The following SEMA4C variants were observed in gnomAD, a reference collection of about 807,000 sequenced individuals.
SEMA4C encodes the protein semaphorin-4C.
SEMA4C carries 19 observed loss-of-function variants against 89.0 expected under a neutral mutation model. The observed-to-expected ratio is 0.21, with a 90% confidence interval of 0.15 to 0.31. The LOEUF is 0.31. Ranked by LOEUF, SEMA4C falls within the 10% of genes least tolerant of loss-of-function variation. The pLI, the probability that SEMA4C is intolerant of heterozygous loss-of-function variation, is 1.00. For synonymous variants in SEMA4C, 428 were observed against 472.7 expected, an observed-to-expected ratio of 0.91 and a Z score of 1.23; for missense variants, 811 against 1,107.0, an observed-to-expected ratio of 0.73 and a Z score of 3.79.
Position 96,864,261 on chromosome 2 carries a change from C to A in SEMA4C, c.1084G>T (p.Val362Leu). ...ACCGAGCCAGGCCGAGGGCTGGGTA[C>A]AGGGTCAGTGTAGCGGTCCCACTTC... ...AQKWDRYTDP[V>L]PSPRPGSCIN... Residue 362 changes from valine to leucine, a missense_variant, in exon 10 of 15, where the codon GTA becomes TTA. This residue lies in a region of SEMA4C where 441 missense variants were observed against 664.9 expected (regional missense o/e 0.66). Transcript: ENST00000305476. This position sits in a 1 kb window ranked among gnomAD's most constrained non-coding sequence, Gnocchi z 6.3. The A allele has an allele frequency of 6.2e-7, 1 of 1,614,038 alleles. No individual in the cohort carries two copies. Among genetic ancestry groups the A allele is most frequent in the Non-Finnish European group, 8.5e-7 (1 of 1,180,020 alleles).
chr2:96,868,570 C>T, intron 1 of SEMA4C: 2 of 985,820 alleles, frequency 2.0e-6, no homozygotes, highest in Non-Finnish European at 2.4e-6. Context: ...TCCCGAGGCC[C>T]CTTTGTTGCC....
chr2:96,870,059 G>T lies in SEMA4C; in HGVS notation c.-221C>A. 1.0e-6 allele frequency: 1 copy of T among 977,454 alleles called. No homozygotes were observed. The highest frequency in any genetic ancestry group is 1.2e-6 in the Non-Finnish European group (1 of 822,640). The allele number at this position is 977,454 out of a possible 1,614,324, so 60.5% of individuals were successfully genotyped here. ...AGGCTCGGGCTCCCCGCGCCACCAC[G>T]GCGGGCGCCGGCTCTTTCTCCAGCG... On this transcript the variant is annotated 5_prime_UTR_variant, in exon 1 of 15. Transcript: ENST00000305476.
Position 96,869,864 on chromosome 2 carries a change from G to A in SEMA4C, c.-38+12C>T, listed in dbSNP as rs997267930. ...CGCGGCTCCAGCCTCACGCAAGCCC[G>A]GCCTCGCTCACCTATTGCGCGCAGC... On this transcript the variant is annotated intron_variant, in intron 1 of 14. Coordinates refer to ENST00000305476, the MANE Select transcript of SEMA4C (RefSeq NM_017789.5). 4 of 985,600 alleles carry A rather than the reference G, an allele frequency of 4.1e-6. No homozygotes were observed. The highest frequency in any genetic ancestry group is 4.8e-6 in the Non-Finnish European group (4 of 830,170). The allele number at this position is 985,600 out of a possible 1,614,324, so 61.1% of individuals were successfully genotyped here. A position where few individuals can be genotyped will look rare whatever the true frequency, so the allele number is the denominator to read the frequency against.
intron 5 of SEMA4C, 56 bp from the exon 6 acceptor site, chr2:96,865,593 C>T (rs1448932871): frequency 3.3e-5 from 50 of 1,534,026 alleles, no homozygotes; most frequent in Non-Finnish European, 4.2e-5. Flanking sequence ...CTCTGTGGGC[C>T]ACATCCACGA....
chr2:96,861,055 C>G lies in SEMA4C; in HGVS notation c.2073G>C (p.Arg691=). The G allele has an allele frequency of 6.2e-7, 1 of 1,612,816 alleles. No individual in the cohort carries two copies. Among genetic ancestry groups the G allele is most frequent in the African/African-American group, 1.3e-5 (1 of 75,036 alleles). The change falls in exon 15 of 15, where the codon CGG becomes CGC. Residue 691 remains arginine (R), a synonymous_variant. Transcript: ENST00000305476. This position sits in a 1 kb window ranked among gnomAD's most constrained non-coding sequence, Gnocchi z 7.8. ...CCTTGGCCCCTTTCTCCAGCTCTTC[C>G]CGCAGCCGCCGGCGCAATGACAGCA... is the stretch of plus-strand genomic sequence containing the variant. The part of the protein sequence containing the change: ...LLVLSLRRRL[R]EELEKGAKAT...
intron 1 of SEMA4C, chr2:96,869,196 G>C: frequency 1.0e-6 from 1 of 985,362 alleles, no homozygotes; most frequent in Non-Finnish European, 1.2e-6. Flanking sequence ...CCCGAGGATC[G>C]GGCCGCACCC....
Position 96,866,280 on chromosome 2 carries a change from C to G in SEMA4C, c.258+3G>C. 1 of 1,607,202 alleles carries G rather than the reference C, an allele frequency of 6.2e-7. No homozygotes were observed. The highest frequency in any genetic ancestry group is 8.5e-7 in the Non-Finnish European group (1 of 1,175,124). ...GACTGCCTCCCACTGCCCCACCTCTCACCGCTCCTTGCAGCTCCAGGGCCT... is the reference window on the plus strand; with the variant it reads ...GACTGCCTCCCACTGCCCCACCTCTGACCGCTCCTTGCAGCTCCAGGGCCT... On this transcript the variant is annotated splice_donor_region_variant and intron_variant, in intron 3 of 14. Transcript: ENST00000305476.
chr2:96,868,053 T>C, intron 1 of SEMA4C, 130 bp from the exon 2 acceptor site: 1 of 1,262,148 alleles, frequency 7.9e-7, no homozygotes, highest in South Asian at 1.5e-5. Flanking sequence ...TCCCCTTCTC[T>C]TTGGAGGTGG....
Position 96,870,046 on chromosome 2 carries a change from C to T in SEMA4C, c.-208G>A, listed in dbSNP as rs1324123274. On this transcript the variant is annotated 5_prime_UTR_variant, in exon 1 of 15. Coordinates refer to ENST00000305476, the MANE Select transcript of SEMA4C (RefSeq NM_017789.5). The stretch of plus-strand genomic sequence containing the variant: ...GCTCCGCGCCCCTAGGCTCGGGCTC[C>T]CCGCGCCACCACGGCGGGCGCCGGC... The T allele has an allele frequency of 2.0e-6, 2 of 981,980 alleles. No individual in the cohort carries two copies. Among genetic ancestry groups the T allele is most frequent in the South Asian group, 4.6e-5 (1 of 21,720 alleles). The allele number at this position is 981,980 out of a possible 1,614,324, so 60.8% of individuals were successfully genotyped here. A position where few individuals can be genotyped will look rare whatever the true frequency, so the allele number is the denominator to read the frequency against.
intron 1 of SEMA4C, 149 bp downstream of exon 1, chr2:96,869,727 C>T (rs2080165566): frequency 1.0e-6 from 1 of 985,250 alleles, no homozygotes; most frequent in Non-Finnish European, 1.2e-6. Flanking sequence ...CAGGAAGGAT[C>T]CCCGCGTACA....
rs368525327 is a variant in SEMA4C at position 96,861,696 on chromosome 2, T to A, written c.1601+41A>T. ...ATCAGCAGCCTGGCTCCAACCACCC[T>A]GAGTCCCTGGAGGTCCTGGCCTATG... is the stretch of plus-strand genomic sequence containing the variant. On this transcript the variant is annotated intron_variant, in intron 13 of 14. Coordinates refer to ENST00000305476, the MANE Select transcript of SEMA4C (RefSeq NM_017789.5). The surrounding 1 kb of genome is among the most constrained non-coding windows in gnomAD (Gnocchi z 7.8). 2.1e-5 allele frequency: 34 copies of A among 1,604,206 alleles called. No individual in the cohort carries two copies. The African/African-American group carries it at 4.5e-4, about 21-fold the overall frequency.
In SEMA4C at chr2:96,864,501, C is replaced by A; in HGVS notation, c.963-119G>T. On this transcript the variant is annotated intron_variant, in intron 9 of 14. Coordinates refer to ENST00000305476, the MANE Select transcript of SEMA4C (RefSeq NM_017789.5). This position sits in a 1 kb window ranked among gnomAD's most constrained non-coding sequence, Gnocchi z 6.3. Reference sequence around the variant, plus strand: ...AAACTGGCCATGGGTACCAGAATGCCCTGGCAGCTCAAGTGCCACCTGGCA... The same window carrying A: ...AAACTGGCCATGGGTACCAGAATGCACTGGCAGCTCAAGTGCCACCTGGCA... 6.8e-7 allele frequency: 1 copy of A among 1,480,090 alleles called. No individual in the cohort carries two copies. Among genetic ancestry groups the A allele is most frequent in the South Asian group, 1.3e-5 (1 of 79,546 alleles). 91.7% of individuals were successfully genotyped at this position (1,480,090 alleles called of 1,614,324 possible).
rs1039051958 is a variant in SEMA4C, at chr2:96,864,017, G to A, written c.1239C>T (p.Leu413=). Residue 413 remains leucine, a synonymous_variant, in exon 11 of 15, where the codon CTC becomes CTT. Transcript: ENST00000305476. The surrounding 1 kb of genome is among the most constrained non-coding windows in gnomAD (Gnocchi z 6.3). ...QVGPRWSRPL[L]VKKGTNFTHL... is the part of the protein sequence containing the mutation. Reference sequence around the variant, plus strand: ...GGGTGAAGTTGGTGCCCTTCTTCACGAGCAGGGGGCGGCTCCACCGAGGCC... The same window carrying A: ...GGGTGAAGTTGGTGCCCTTCTTCACAAGCAGGGGGCGGCTCCACCGAGGCC... The A allele has an allele frequency of 1.2e-5, 19 of 1,613,088 alleles. No individual in the cohort carries two copies. Among genetic ancestry groups the A allele is most frequent in the Non-Finnish European group, 1.5e-5 (18 of 1,179,934 alleles).
At position 96,860,447 on chromosome 2, in the gene SEMA4C, C is replaced by T. The variant is rs1338876240; in HGVS notation, c.*179G>A. 2 of 551,106 alleles carry T rather than the reference C, an allele frequency of 3.6e-6. No individual in the cohort carries two copies. The highest frequency in any genetic ancestry group is 3.1e-6 in the Non-Finnish European group (1 of 323,082). 34.1% of individuals were successfully genotyped at this position (551,106 alleles called of 1,614,324 possible). ...TCTGCGAGGCTGGTGCCCTGGTGAG[C>T]CACACCAAGTGGCAGTGCCCGTGCT... On this transcript the variant is annotated 3_prime_UTR_variant, in exon 15 of 15. Coordinates refer to ENST00000305476, the MANE Select transcript of SEMA4C (RefSeq NM_017789.5).
intron 2 of SEMA4C, 23 bp downstream of exon 2, chr2:96,867,755 T>C (rs2080113605): frequency 6.2e-7 from 1 of 1,609,388 alleles, no homozygotes; most frequent in Non-Finnish European, 8.5e-7. Flanking sequence ...CCTGACTTCC[T>C]CCTCACCCCT....
At chr2:96,869,607 C>A in intron 1 of SEMA4C, 2 of 985,286 alleles carry the variant, frequency 2.0e-6, no homozygotes, top group Non-Finnish European at 2.4e-6. Context: ...GGCCGCGGAC[C>A]GGACCGCGCG....
chr2:96,868,745 G>C, intron 1 of SEMA4C: 2 of 985,328 alleles, frequency 2.0e-6, no homozygotes, highest in Non-Finnish European at 2.4e-6. Flanking sequence ...AGGCGACGGG[G>C]GGAGGTAGGG....
intron 2 of SEMA4C, among the ~76,000 whole-genome samples, chr2:96,867,243 G>A (rs2080095436): frequency 1.3e-5 from 2 of 152,212 alleles, no homozygotes; most frequent in South Asian, 2.1e-4. Flanking sequence ...TGTGGGAGGT[G>A]AGCTCATCCC....
Position 96,866,627 on chromosome 2 carries a change from G to C in SEMA4C, c.110-196C>G, listed in dbSNP as rs1267557535. On this transcript the variant is annotated intron_variant, in intron 2 of 14. Transcript: ENST00000305476. ...GGCCTCCCTAGCCTTTCCCAGCCTG[G>C]GAGGAGGCAAATCCAGGCTGCTGGG... 12 of 753,900 alleles carry C rather than the reference G, an allele frequency of 1.6e-5. No individual in the cohort carries two copies. The East Asian group carries it at 3.0e-4, about 19-fold the overall frequency. 46.7% of individuals were successfully genotyped at this position (753,900 alleles called of 1,614,324 possible). A position where few individuals can be genotyped will look rare whatever the true frequency, so the allele number is the denominator to read the frequency against.
Sources: gnomAD v4.1 joint callset for allele counts (sites outside exome capture counted in the v4.1 genomes callset) on GRCh38, gnomAD v4.1.1 for gene constraint, gnomAD v4.1.1 regional missense constraint, Gnocchi (gnomAD v3.1) non-coding constraint, MANE v1.5 for transcripts, NCBI Gene and HGNC (gene_info 2026-07-23, HGNC 2026-07-21) for gene names.